The following RPL6 variants were observed in gnomAD, a reference collection of about 807,000 sequenced individuals.
The protein encoded by RPL6 is large ribosomal subunit protein eL6.
RPL6 carries 1 observed loss-of-function variant against 32.1 expected under a neutral mutation model. The ratio of observed to expected loss-of-function variants is 0.03; its 90% CI spans 0.01 to 0.15. The LOEUF (loss-of-function observed/expected upper bound fraction) is 0.15. Ranked by LOEUF, RPL6 falls within the 10% of genes least tolerant of loss-of-function variation. The pLI, the probability that RPL6 is intolerant of heterozygous loss-of-function variation, is 1.00. For missense variants in RPL6, 275 were observed against 354.6 expected (o/e 0.78, Z 1.80); for synonymous variants, 126 against 131.6 (o/e 0.96, Z 0.29).
upstream of RPL6, chr12:112,411,409 G>A (rs2037339737): frequency 6.6e-6 from 1 of 152,142 alleles, no homozygotes; most frequent in Admixed American, 6.5e-5. Context: ...CTGTGTCTCT[G>A]GGAATCATTT....
chr12:112,412,548 C>T (rs897718058), upstream of RPL6, among the ~76,000 whole-genome samples: 12 of 151,608 alleles, frequency 7.9e-5, no homozygotes, highest in African/African-American at 2.9e-4. Context: ...GATCATGGCT[C>T]ACTGCAGCCT....
Position 112,408,247 on chromosome 12 carries a change from C to T in RPL6, c.329G>A (p.Arg110His), listed in dbSNP as rs199559137. The T allele has an allele frequency of 4.5e-5, 73 of 1,613,198 alleles. 1 individual carries two copies. Among genetic ancestry groups the T allele is most frequent in the Admixed American group, 2.5e-4 (15 of 59,934 alleles). ...KNGGTRVVKL[R>H]KMPRYYPTED... ...ACAGTCCCCACATCTTACCATTTTG[C>T]GAAGTTTAACCACCCGGGTACCGCC... Residue 110 changes from arginine to histidine, a missense_variant, in exon 3 of 7, where the codon CGC becomes CAC. Arg to His is a conservative substitution (Grantham distance 29). Transcript: ENST00000202773.
chr12:112,405,722 G>A (rs959318784), intron 6 of RPL6, 131 bp downstream of exon 6: 2 of 776,004 alleles, frequency 2.6e-6, no homozygotes, highest in African/African-American at 3.5e-5. Flanking sequence ...GAAGAATCTG[G>A]AATACTAAGT....
intron 3 of RPL6, 176 bp from the exon 4 acceptor site, chr12:112,407,066 C>T: frequency 1.6e-6 from 1 of 610,652 alleles, no homozygotes; most frequent in Admixed American, 3.4e-5. Flanking sequence ...TATGCTTCTG[C>T]ATCCTGTGTG....
At chr12:112,408,872 T>G (rs2037267263) in intron 1 of RPL6, 3 of 510,638 alleles carry the variant, frequency 5.9e-6, no homozygotes, top group Non-Finnish European at 1.0e-5. Flanking sequence ...AAACTTTTTT[T>G]TTGAGAATTT....
intron 1 of RPL6, among the ~76,000 whole-genome samples, chr12:112,416,423 G>T (rs1004601371): frequency 2.0e-5 from 3 of 152,248 alleles, no homozygotes. Context: ...ACAGGCGTGA[G>T]CCACCGCGCC....
intron 3 of RPL6, chr12:112,407,822 G>C (rs1242384055): frequency 5.8e-6 from 1 of 172,138 alleles, no homozygotes. Context: ...CTGCCTCCCG[G>C]GTTCAAGCGA....
At position 112,408,575 on chromosome 12, in the gene RPL6, T is replaced by C. The variant is rs748384320; in HGVS notation, c.82A>G (p.Lys28Glu). Residue 28 changes from lysine (K) to glutamate (E), a missense_variant, in exon 2 of 7, where the codon AAA becomes GAA. Lys to Glu is a moderately conservative substitution (Grantham distance 56). Transcript: ENST00000202773. Reference protein sequence around the residue: ...AKKVDAGGKVKKGNLKAKKPK... With the variant: ...AKKVDAGGKVEKGNLKAKKPK... ...TTTTTAGCTTTGAGGTTACCCTTTT[T>C]CACCTTGCCACCAGCATCAACCTTC... is the stretch of plus-strand genomic sequence containing the variant. The C allele has an allele frequency of 3.1e-6, 5 of 1,603,782 alleles. No individual in the cohort carries two copies. Among genetic ancestry groups the C allele is most frequent in the Non-Finnish European group, 3.4e-6 (4 of 1,179,084 alleles).
chr12:112,416,361 G>A (rs978514153), intron 1 of RPL6, among the ~76,000 whole-genome samples: 8 of 151,864 alleles, frequency 5.3e-5, no homozygotes, highest in Non-Finnish European at 1.2e-4. Context: ...GGATGGTCTC[G>A]ATCTCCTGAC....
chr12:112,406,074 G>GA lies in RPL6; in HGVS notation c.530-38dup, dbSNP rs1319981450. On this transcript the variant is annotated intron_variant, in intron 5 of 6. Transcript: ENST00000202773. Reference sequence around the variant, plus strand: ...AAATTAATTTAGCAAGGAAAAGGGGGAAGAATCATCATCCTGCAATTTAGG... The same window carrying GA: ...AAATTAATTTAGCAAGGAAAAGGGGGAAAGAATCATCATCCTGCAATTTAGG... 2.6e-6 allele frequency: 4 copies of GA among 1,547,372 alleles called. No homozygotes were observed. In the African/African-American group the frequency reaches 5.5e-5, roughly 21 times the overall value.
At chr12:112,409,261 G>A in intron 1 of RPL6, 1 of 387,678 alleles carries the variant, frequency 2.6e-6, no homozygotes, top group Non-Finnish European at 4.5e-6. Flanking sequence ...TCATCCTCTG[G>A]AACCCAGGAC....
chr12:112,406,974 C>T (rs2135796738), intron 3 of RPL6, 84 bp from the exon 4 acceptor site: 1 of 1,395,816 alleles, frequency 7.2e-7, no homozygotes, highest in Non-Finnish European at 9.9e-7. Context: ...ACTTTTGCTA[C>T]AGCCTTTTTA....
chr12:112,407,715 A>G (rs1279436074), intron 3 of RPL6: 2 of 157,396 alleles, frequency 1.3e-5, no homozygotes, highest in Non-Finnish European at 2.8e-5. Context: ...TTTAATCTCC[A>G]TAAAAACTCT....
chr12:112,416,121 G>A (rs2135812382), intron 1 of RPL6, among the ~76,000 whole-genome samples: 1 of 144,604 alleles, frequency 6.9e-6, no homozygotes, highest in South Asian at 2.2e-4. Flanking sequence ...ACTGCACCCA[G>A]CTAAATTTTG....
upstream of RPL6, among the ~76,000 whole-genome samples, chr12:112,415,250 C>T (rs187485542): frequency 1.3e-5 from 2 of 151,732 alleles, no homozygotes; most frequent in Non-Finnish European, 2.9e-5. Context: ...AGTGGGGAGA[C>T]GGGGTGGTGA....
chr12:112,416,112 C>A (rs1405066299), intron 1 of RPL6, among the ~76,000 whole-genome samples: 1 of 146,386 alleles, frequency 6.8e-6, no homozygotes, highest in Non-Finnish European at 1.5e-5. Flanking sequence ...GTGCCTGCCA[C>A]TGCACCCAGC....
chr12:112,417,560 C>CT (rs1209085428), intron 1 of RPL6, among the ~76,000 whole-genome samples: 2,665 of 75,070 alleles, frequency 0.036, 597 homozygotes, highest in African/African-American at 0.059. Context: ...CCCGGCCCGG[C>CT]TTTTTTTTTT....
intron 4 of RPL6, 199 bp downstream of exon 4, chr12:112,406,546 CAT>C (rs1456365038): frequency 3.7e-5 from 31 of 828,344 alleles, no homozygotes; most frequent in Non-Finnish European, 5.3e-5. Context: ...ACATGTGTAA[CAT>C]AATCAACAGC....
Position 112,405,991 on chromosome 12 carries a change from T to A in RPL6, c.576A>T (p.Lys192Asn), listed in dbSNP as rs2037152322. 6.2e-7 allele frequency: 1 copy of A among 1,614,094 alleles called. No homozygotes were observed. The highest frequency in any genetic ancestry group is 8.5e-7 in the Non-Finnish European group (1 of 1,179,988). The change falls in exon 6 of 7, where the codon AAA becomes AAT. Residue 192 changes from lysine (K) to asparagine (N), a missense_variant. Physicochemically the swap from Lys to Asn is moderately conservative, Grantham distance 94 (BLOSUM62 0). Transcript: ENST00000202773. Reference protein sequence around the residue: ...NRVPLRRTHQKFVIATSTKID... With the variant: ...NRVPLRRTHQNFVIATSTKID... ...TTTTGGTTGAAGTGGCAATGACAAA[T>A]TTCTGGTGTGTTCTTCGTAGAGGAA...
Sources: gnomAD v4.1 joint callset for allele counts (sites outside exome capture counted in the v4.1 genomes callset) on GRCh38, gnomAD v4.1.1 for gene constraint, MANE v1.5 for transcripts, NCBI Gene and HGNC (gene_info 2026-07-23, HGNC 2026-07-21) for gene names.